ABCC6: variants seen among roughly 807,000 people sequenced by gnomAD.
ABCC6 encodes the protein ATP-binding cassette sub-family C member 6.
Under a neutral mutation model 169.5 loss-of-function variants are expected in ABCC6, and 126 were observed. That is an observed-to-expected ratio of 0.74 (90% CI 0.64 to 0.86). ABCC6 has a LOEUF of 0.86. Ranked by LOEUF, ABCC6 falls within the 40% of genes least tolerant of loss-of-function variation. The pLI, the probability that ABCC6 is intolerant of heterozygous loss-of-function variation, is 0.00. For missense variants in ABCC6, 1,733 were observed against 1,927.2 expected (o/e 0.90, Z 1.89); for synonymous variants, 752 against 814.7 (o/e 0.92, Z 1.31).
At chr16:16,166,723 T>G (rs1006952531) in intron 22 of ABCC6, among the ~76,000 whole-genome samples, 1 of 151,908 alleles carries the variant, frequency 6.6e-6, no homozygotes, top group Admixed American at 6.6e-5. Context: ...AACCCTACTC[T>G]CTACTAAAAA....
At position 16,198,099 on chromosome 16, in the gene ABCC6, C is replaced by A. The variant is rs912971377; in HGVS notation, c.1260G>T (p.Leu420=). 6.2e-7 allele frequency: 1 copy of A among 1,613,592 alleles called. No individual in the cohort carries two copies. Among genetic ancestry groups the A allele is most frequent in the African/African-American group, 1.3e-5 (1 of 74,934 alleles). Residue 420 remains leucine (L), a synonymous_variant, in exon 10 of 31, where the codon CTG becomes CTT. Coordinates refer to ENST00000205557, the MANE Select transcript of ABCC6 (RefSeq NM_001171.6). ...VNLVSVDVQR[L]TESVLYLNGL... ...CGTTGAGGTAGAGGACGCTCTCGGT[C>A]AGCCGCTGCACGTCCACGGACACCA... is the stretch of plus-strand genomic sequence containing the variant.
chr16:16,152,156 G>A (rs1596583267), intron 29 of ABCC6, among the ~76,000 whole-genome samples: 1 of 124,356 alleles, frequency 8.0e-6, no homozygotes, highest in Non-Finnish European at 1.6e-5. Context: ...TCGCGCCACT[G>A]CACTCCAGCC....
chr16:16,175,588 G>A (rs772091918), intron 20 of ABCC6, among the ~76,000 whole-genome samples: 12 of 152,186 alleles, frequency 7.9e-5, no homozygotes, highest in Admixed American at 2.0e-4. Context: ...GTGGTTTACA[G>A]CTATGGGGAG....
intron 5 of ABCC6, 57 bp from the exon 6 acceptor site, chr16:16,212,303 G>A (rs1460283244): frequency 3.6e-5 from 29 of 811,810 alleles, no homozygotes; most frequent in African/African-American, 3.4e-4. Context: ...AAGACAGGAC[G>A]AACTGTGTAT....
In ABCC6 at chr16:16,157,718, G is replaced by A; in HGVS notation, c.3827C>T (p.Pro1276Leu). ...GCCCTGCACAGCCAGCGGGAGCTCA[G>A]GTCGGTATCTTAGCCCAAAGTCCCG... ...EFRDFGLRYR[P>L]ELPLAVQGVS... is the part of the protein sequence containing the mutation. The change falls in exon 27 of 31, where the codon CCT (proline) becomes CTT (leucine). Residue 1276 changes from proline (P) to leucine (L), a missense_variant. This residue lies in a region of ABCC6 where 1,601 missense variants were observed against 1,635.5 expected (regional missense o/e 0.98). Coordinates refer to ENST00000205557, the MANE Select transcript of ABCC6 (RefSeq NM_001171.6). 6.2e-7 allele frequency: 1 copy of A among 1,614,072 alleles called. No homozygotes were observed. Among genetic ancestry groups the A allele is most frequent in the Non-Finnish European group, 8.5e-7 (1 of 1,179,984 alleles).
chr16:16,152,218 G>GAA (rs1166214536), intron 29 of ABCC6, among the ~76,000 whole-genome samples: 3 of 78,764 alleles, frequency 3.8e-5, no homozygotes, highest in Non-Finnish European at 7.6e-5. Flanking sequence ...AAAAAAAAGT[G>GAA]TGTAGGCTTG....
In ABCC6 at chr16:16,162,578, AATG is replaced by A. The variant is rs1276947905; in HGVS notation, c.3506+412_3506+414del. On this transcript the variant is annotated intron_variant, in intron 24 of 30. Transcript: ENST00000205557. ...CCATGAGCACGATCCCAGTTTGACA[AATG>A]AGGCTCAGAGAGGTTATGTAACTTG... Among the ~76,000 whole-genome samples, 3 of 152,186 alleles carry A rather than the reference AATG, an allele frequency of 2.0e-5. No homozygotes were observed. In the East Asian group the frequency reaches 5.8e-4, roughly 29 times the overall value.
At chr16:16,210,049 TC>T in intron 6 of ABCC6, among the ~76,000 whole-genome samples, 1 of 151,980 alleles carries the variant, frequency 6.6e-6, no homozygotes, top group Non-Finnish European at 1.5e-5. Context: ...CTTTAATCTT[TC>T]TGATGACACC....
chr16:16,176,066 G>A lies in ABCC6; in HGVS notation c.2591-80C>T, dbSNP rs113905677. The A allele has an allele frequency of 5.5e-5, 76 of 1,373,796 alleles. No homozygotes were observed. The South Asian group carries it at 6.5e-4, about 12-fold the overall frequency. The allele number at this position is 1,373,796 out of a possible 1,614,324, so 85.1% of individuals were successfully genotyped here. The stretch of plus-strand genomic sequence containing the variant: ...ACCCACTGACTATGTGGCCTTAACC[G>A]CTCTGACCATCCATTTCCCCTGATC... On this transcript the variant is annotated intron_variant, in intron 19 of 30. Transcript: ENST00000205557.
In ABCC6 at chr16:16,149,618, G is replaced by T; in HGVS notation, c.*515C>A. ...TTGTTGTGTCAATGTCAACACCCTG[G>T]CTGTGATGCTTTATCCTAGAGTTTT... On this transcript the variant is annotated 3_prime_UTR_variant, in exon 31 of 31. Coordinates refer to ENST00000205557, the MANE Select transcript of ABCC6 (RefSeq NM_001171.6). The T allele has an allele frequency of 3.8e-6, 1 of 266,366 alleles. No homozygotes were observed. Among genetic ancestry groups the T allele is most frequent in the African/African-American group, 2.1e-5 (1 of 46,532 alleles). The allele number at this position is 266,366 out of a possible 1,614,324, so 16.5% of individuals were successfully genotyped here. A position where few individuals can be genotyped will look rare whatever the true frequency, so the allele number is the denominator to read the frequency against.
chr16:16,164,012 C>T (rs1197658864), intron 23 of ABCC6, among the ~76,000 whole-genome samples: 4 of 151,842 alleles, frequency 2.6e-5, no homozygotes, highest in African/African-American at 7.3e-5. Flanking sequence ...GGACAATTGT[C>T]GGGGACAGTG....
intron 13 of ABCC6, among the ~76,000 whole-genome samples, chr16:16,187,909 AAAT>A (rs780716585): frequency 0.29 from 25,397 of 88,160 alleles, 2,416 homozygotes; most frequent in African/African-American, 0.35. Context: ...TAAATAAATT[AAAT>A]AAATAAATAA....
At chr16:16,177,115 T>C (rs762067189) in intron 19 of ABCC6, among the ~76,000 whole-genome samples, 12 of 152,232 alleles carry the variant, frequency 7.9e-5, no homozygotes, top group Admixed American at 1.3e-4. Context: ...AGTTCTAATC[T>C]TGTGACCTTG....
At position 16,157,732 on chromosome 16, in the gene ABCC6, C is replaced by G; in HGVS notation, c.3813G>C (p.Gly1271=). 6.2e-7 allele frequency: 1 copy of G among 1,614,016 alleles called. No homozygotes were observed. The highest frequency in any genetic ancestry group is 8.5e-7 in the Non-Finnish European group (1 of 1,179,968). Residue 1271 remains glycine, a synonymous_variant, in exon 27 of 31, where the codon GGG becomes GGC. Transcript: ENST00000205557. ...GCGGGAGCTCAGGTCGGTATCTTAG[C>G]CCAAAGTCCCGGAACTCGATCTGCC... The part of the protein sequence containing the change: ...QGGQIEFRDF[G]LRYRPELPLA...
chr16:16,182,857 G>T lies in ABCC6; in HGVS notation c.2017C>A (p.Leu673Met). The T allele has an allele frequency of 6.2e-7, 1 of 1,614,108 alleles. No homozygotes were observed. The highest frequency in any genetic ancestry group is 1.1e-5 in the South Asian group (1 of 91,070). The change falls in exon 16 of 31, where the codon CTG (leucine) becomes ATG (methionine). Residue 673 changes from leucine (L) to methionine (M), a missense_variant. This residue lies in a region of ABCC6 where 1,601 missense variants were observed against 1,635.5 expected (regional missense o/e 0.98). Coordinates refer to ENST00000205557, the MANE Select transcript of ABCC6 (RefSeq NM_001171.6). Reference protein sequence around the residue: ...GPVGAGKSSLLSALLGELSKV... With the variant: ...GPVGAGKSSLMSALLGELSKV... The stretch of plus-strand genomic sequence containing the variant: ...GACAGCTCCCCAAGGAGGGCGGACA[G>T]CAGGGAGGACTTCCCTGCCCCCACT...
At chr16:16,165,192 C>G (rs1425727920) in intron 23 of ABCC6, among the ~76,000 whole-genome samples, 1 of 152,212 alleles carries the variant, frequency 6.6e-6, no homozygotes, top group Non-Finnish European at 1.5e-5. Context: ...GGGAGGATCA[C>G]TTGGGGCCAG....
At chr16:16,165,519 A>G in intron 23 of ABCC6, 104 bp downstream of exon 23, 1 of 1,259,038 alleles carries the variant, frequency 7.9e-7, no homozygotes, top group East Asian at 2.4e-5. Context: ...CAGCCCCTAG[A>G]TGTCCAGCTG....
At position 16,175,918 on chromosome 16, in the gene ABCC6, G is replaced by A. The variant is rs59206042; in HGVS notation, c.2659C>T (p.Arg887Cys). 354 of 1,614,082 alleles carry A rather than the reference G, an allele frequency of 2.2e-4. 2 individuals carry two copies. The African/African-American group carries it at 3.1e-3, about 14-fold the overall frequency. ...TSAGRRPELR[R>C]ERSIKSVPEK... ...GCACCATGGTGGACTCACCTCTCGC[G>A]TCTAAGCTCGGGCCTCCTGCCTGCA... The change falls in exon 20 of 31, where the codon CGC becomes TGC. Residue 887 changes from arginine (R) to cysteine (C), a missense_variant. By Grantham distance (180) the Arg-to-Cys change is radical. Coordinates refer to ENST00000205557, the MANE Select transcript of ABCC6 (RefSeq NM_001171.6).
At chr16:16,175,206 G>A (rs767880808) in intron 20 of ABCC6, among the ~76,000 whole-genome samples, 6 of 152,184 alleles carry the variant, frequency 3.9e-5, no homozygotes, top group Admixed American at 6.5e-5. Flanking sequence ...CCTCAGGGTG[G>A]CTAGCTGGGA....
Sources: gnomAD v4.1 joint callset for allele counts (sites outside exome capture counted in the v4.1 genomes callset) on GRCh38, gnomAD v4.1.1 for gene constraint, gnomAD v4.1.1 regional missense constraint, MANE v1.5 for transcripts, NCBI Gene and HGNC (gene_info 2026-07-23, HGNC 2026-07-21) for gene names.